The following OGFOD3 variants were observed in gnomAD, a reference collection of about 807,000 sequenced individuals.
The protein encoded by OGFOD3 is 2-oxoglutarate and iron dependent oxygenase domain containing 3, also known as 2-oxoglutarate and iron-dependent oxygenase domain-containing protein 3.
A neutral mutation model predicts 39.8 loss-of-function variants in OGFOD3; 35 were observed. The ratio of observed to expected loss-of-function variants is 0.88; its 90% CI spans 0.67 to 1.17. The LOEUF is 1.17. OGFOD3 is among the 50% of genes most tolerant of loss of function. The probability of loss-of-function intolerance (pLI) is 0.00; values close to 1 mark genes in which losing one functional copy is unlikely to be tolerated. For missense variants in OGFOD3, 438 were observed against 454.5 expected, an observed-to-expected ratio of 0.96 and a Z score of 0.33; for synonymous variants, 200 against 192.0, an observed-to-expected ratio of 1.04 and a Z score of -0.34.
At chr17:82,397,601 G>A (rs889418501) in intron 8 of OGFOD3, among the ~76,000 whole-genome samples, 73 of 152,010 alleles carry the variant, frequency 4.8e-4, no homozygotes, top group African/African-American at 1.6e-3. Context: ...CTGGGCTTGT[G>A]TTACCCACAA....
chr17:82,414,700 C>G (rs1321403529), intron 2 of OGFOD3, among the ~76,000 whole-genome samples: 1 of 152,232 alleles, frequency 6.6e-6, no homozygotes, highest in Non-Finnish European at 1.5e-5. Flanking sequence ...ACTTGGCAAT[C>G]TTTTCTTGGT....
At chr17:82,411,317 G>C in intron 3 of OGFOD3, 138 bp downstream of exon 3, 1 of 726,670 alleles carries the variant, frequency 1.4e-6, no homozygotes, top group Non-Finnish European at 2.3e-6. Flanking sequence ...CAAGTGCTGG[G>C]ATTACAGGCG....
At position 82,394,408 on chromosome 17, in the gene OGFOD3, T is replaced by C. The variant is rs763877005; in HGVS notation, c.824-1874A>G. On this transcript the variant is annotated intron_variant, in intron 8 of 8. Transcript: ENST00000313056. ...AATGCTCTCAGCTTCCAGAATCGCA[T>C]GTGTCTCTCCCCTCTCGGGCGGGTG... is the stretch of plus-strand genomic sequence containing the variant. 1.8e-5 allele frequency: 29 copies of C among 1,610,024 alleles called. 1 individual carries two copies. The South Asian group carries it at 2.8e-4, about 15-fold the overall frequency.
intron 1 of OGFOD3, chr17:82,417,321 A>T (rs1029078723): frequency 2.6e-5 from 4 of 152,126 alleles, no homozygotes; most frequent in African/African-American, 7.2e-5. Flanking sequence ...ACTGGCTTTT[A>T]AAAAATTATA....
At chr17:82,410,549 G>A (rs1438502017) in intron 3 of OGFOD3, among the ~76,000 whole-genome samples, 1 of 152,090 alleles carries the variant, frequency 6.6e-6, no homozygotes, top group Non-Finnish European at 1.5e-5. Flanking sequence ...GAGGCTCCGT[G>A]GGGAGCATGG....
Position 82,390,500 on chromosome 17 carries a change from C to T in OGFOD3, c.*1898G>A, listed in dbSNP as rs930101522. 1.3e-5 allele frequency: 2 copies of T among 152,820 alleles called. No individual in the cohort carries two copies. The highest frequency in any genetic ancestry group is 2.0e-4 in the South Asian group (1 of 4,926). The allele number at this position is 152,820 out of a possible 1,614,324, so 9.5% of individuals were successfully genotyped here. ...ATCCATGGAGTCCTTCAGAATCGTG[C>T]CTCGCTCCAGTGTCCCACATCAGAG... On this transcript the variant is annotated 3_prime_UTR_variant, in exon 9 of 9. Coordinates refer to ENST00000313056, the MANE Select transcript of OGFOD3 (RefSeq NM_024648.3). The surrounding 1 kb of genome is among the most constrained non-coding windows in gnomAD (Gnocchi z 4.9).
At position 82,406,331 on chromosome 17, in the gene OGFOD3, C is replaced by T; in HGVS notation, c.488+87G>A. The T allele has an allele frequency of 8.2e-7, 1 of 1,221,882 alleles. No individual in the cohort carries two copies. Among genetic ancestry groups the T allele is most frequent in the Non-Finnish European group, 1.2e-6 (1 of 830,152 alleles). The allele number at this position is 1,221,882 out of a possible 1,614,324, so 75.7% of individuals were successfully genotyped here. The stretch of plus-strand genomic sequence containing the variant: ...CGAGCCGGATCCTCCCTCACATGTC[C>T]ACGTGTCCACATGTCCATGGCTAAG... On this transcript the variant is annotated intron_variant, in intron 5 of 8. Coordinates refer to ENST00000313056, the MANE Select transcript of OGFOD3 (RefSeq NM_024648.3). This position sits in a 1 kb window ranked among gnomAD's most constrained non-coding sequence, Gnocchi z 5.2.
chr17:82,413,462 C>A (rs1020686751), intron 2 of OGFOD3, among the ~76,000 whole-genome samples: 1 of 152,164 alleles, frequency 6.6e-6, no homozygotes, highest in African/African-American at 2.4e-5. Flanking sequence ...AATTTGTGCA[C>A]ACGAGCGTGG....
rs2053013350 is a variant in OGFOD3, at chr17:82,415,288, T to C, written c.304+110A>G. On this transcript the variant is annotated intron_variant, in intron 2 of 8. Coordinates refer to ENST00000313056, the MANE Select transcript of OGFOD3 (RefSeq NM_024648.3). The surrounding 1 kb of genome is among the most constrained non-coding windows in gnomAD (Gnocchi z 5.3). ...CCAGCCTGCAGGAGGGGAGAGGTTGTCTGCTACCCCCAAGCATACCACATC... is the reference window on the plus strand; with the variant it reads ...CCAGCCTGCAGGAGGGGAGAGGTTGCCTGCTACCCCCAAGCATACCACATC... The C allele has an allele frequency of 9.1e-7, 1 of 1,104,790 alleles. No individual in the cohort carries two copies. Among genetic ancestry groups the C allele is most frequent in the South Asian group, 1.4e-5 (1 of 69,966 alleles). The allele number at this position is 1,104,790 out of a possible 1,614,324, so 68.4% of individuals were successfully genotyped here.
chr17:82,414,635 C>T (rs2053003542), intron 2 of OGFOD3, among the ~76,000 whole-genome samples: 1 of 152,208 alleles, frequency 6.6e-6, no homozygotes, highest in Admixed American at 6.5e-5. Flanking sequence ...TCCCTCCCTG[C>T]GGCGCGGCTG....
At chr17:82,399,725 C>T (rs1313059469) in intron 7 of OGFOD3, among the ~76,000 whole-genome samples, 1 of 152,240 alleles carries the variant, frequency 6.6e-6, no homozygotes, top group Non-Finnish European at 1.5e-5. Context: ...ATCTGTCCCT[C>T]CGTGACTGGC....
chr17:82,403,865 C>T, intron 7 of OGFOD3, 72 bp downstream of exon 7: 6 of 1,506,988 alleles, frequency 4.0e-6, no homozygotes, highest in Non-Finnish European at 4.5e-6. Flanking sequence ...TGCCCACGTG[C>T]GCACTCACCG....
In OGFOD3 at chr17:82,392,461, G is replaced by C; in HGVS notation, c.897C>G (p.Tyr299Ter). 5.6e-6 allele frequency: 9 copies of C among 1,611,906 alleles called. No homozygotes were observed. The highest frequency in any genetic ancestry group is 5.9e-6 in the Non-Finnish European group (7 of 1,179,284). Residue 299 changes from tyrosine to a stop codon, truncating the protein, a stop_gained, in exon 9 of 9, where the codon TAC becomes TAG. Transcript: ENST00000313056. LOFTEE classifies it high-confidence loss of function. This position sits in a 1 kb window ranked among gnomAD's most constrained non-coding sequence, Gnocchi z 4.2. ...RVEKVHWGTR[Y>*]AITIAFSCNP... is the part of the protein sequence containing the mutation. ...TGCAGCTGAAGGCGATGGTGATGGCGTAACGGGTGCCCCAGTGGACCTTCT... is the reference window on the plus strand; with the variant it reads ...TGCAGCTGAAGGCGATGGTGATGGCCTAACGGGTGCCCCAGTGGACCTTCT...
rs114980636 is a variant in OGFOD3, at chr17:82,397,782, G to A, written c.823+414C>T. Among the ~76,000 whole-genome samples the A allele has an allele frequency of 5.5e-3, 830 of 152,236 alleles. 9 individuals are homozygous for A. The highest frequency in any genetic ancestry group is 0.019 in the African/African-American group (787 of 41,528). ...ACCCGGTGAGGTTCCAGCCACCAGC[G>A]AGGAGGGCACTAGGTCACCGACACT... is the stretch of plus-strand genomic sequence containing the variant. On this transcript the variant is annotated intron_variant, in intron 8 of 8. Transcript: ENST00000313056.
intron 3 of OGFOD3, among the ~76,000 whole-genome samples, chr17:82,410,214 G>T (rs1434125354): frequency 6.6e-6 from 1 of 152,222 alleles, no homozygotes; most frequent in East Asian, 1.9e-4. Context: ...ACACGCCGGT[G>T]CCTCAGTCAG....
At position 82,406,694 on chromosome 17, in the gene OGFOD3, T is replaced by C. The variant is rs1427827453; in HGVS notation, c.424-212A>G. ...ATCTCAGCTCATTGCAGCCTCAATA[T>C]TCCAGGCTCCAGGCCAAACAATCCT... is the stretch of plus-strand genomic sequence containing the variant. On this transcript the variant is annotated intron_variant, in intron 4 of 8. Transcript: ENST00000313056. The surrounding 1 kb of genome is among the most constrained non-coding windows in gnomAD (Gnocchi z 5.2). 6.6e-6 allele frequency among the ~76,000 whole-genome samples: 1 copy of C among 152,132 alleles called. No individual in the cohort carries two copies. The highest frequency in any genetic ancestry group is 1.5e-5 in the Non-Finnish European group (1 of 68,014).
chr17:82,397,413 GGT>G (rs1302040915), intron 8 of OGFOD3, among the ~76,000 whole-genome samples: 512 of 125,938 alleles, frequency 4.1e-3, no homozygotes, highest in East Asian at 7.7e-3. Context: ...GGGGGGGGGG[GGT>G]GAGGGCAGTG....
At chr17:82,414,810 G>A (rs1198637177) in intron 2 of OGFOD3, among the ~76,000 whole-genome samples, 1 of 152,256 alleles carries the variant, frequency 6.6e-6, no homozygotes, top group Non-Finnish European at 1.5e-5. Flanking sequence ...ATATCCAGGT[G>A]GCATGGAATG....
At chr17:82,398,395 TA>T in intron 7 of OGFOD3, 76 bp from the exon 8 acceptor site, 1 of 1,547,730 alleles carries the variant, frequency 6.5e-7, no homozygotes, top group African/African-American at 1.4e-5. Flanking sequence ...TTCTCTCTCT[TA>T]TTTTTTGTTT....
Sources: allele counts gnomAD v4.1 joint callset (sites outside exome capture counted in the v4.1 genomes callset), GRCh38; gene constraint gnomAD v4.1.1; non-coding constraint Gnocchi (gnomAD v3.1); transcripts MANE v1.5; gene names NCBI Gene and HGNC (gene_info 2026-07-23, HGNC 2026-07-21).